The following ROBO1 variants were observed in gnomAD, a reference collection of about 807,000 sequenced individuals.
ROBO1 encodes the protein roundabout guidance receptor 1.
In ROBO1, 149 loss-of-function variants were observed where a neutral mutation model predicts 195.9. That is an observed-to-expected ratio of 0.76 (90% CI 0.67 to 0.87). The LOEUF is 0.87. Among genes scored for constraint, ROBO1 ranks in the 40% least tolerant of loss-of-function variants. ROBO1 has a pLI of 0.00. For missense variants in ROBO1, 1,933 were observed against 2,068.3 expected (o/e 0.93, Z 1.27); for synonymous variants, 816 against 733.2 (o/e 1.11, Z -1.82).
intron 2 of ROBO1, among the ~76,000 whole-genome samples, chr3:79,441,061 C>T (rs1369528900): frequency 2.0e-5 from 3 of 151,816 alleles, no homozygotes; most frequent in African/African-American, 7.3e-5. Flanking sequence ...TTATTGTTAT[C>T]CAAAAAACAT....
intron 2 of ROBO1, among the ~76,000 whole-genome samples, chr3:79,438,163 C>T (rs981720942): frequency 4.0e-5 from 6 of 151,820 alleles, no homozygotes; most frequent in South Asian, 2.1e-4. Context: ...CATTTATATA[C>T]GATTTTGAAT....
intron 1 of ROBO1, among the ~76,000 whole-genome samples, chr3:79,607,945 G>T (rs548423158): frequency 6.6e-6 from 1 of 151,922 alleles, no homozygotes; most frequent in Non-Finnish European, 1.5e-5. Flanking sequence ...AGTCTCACAG[G>T]ATTCAAAACT....
intron 5 of ROBO1, among the ~76,000 whole-genome samples, chr3:78,741,019 T>C (rs1275879675): frequency 6.6e-6 from 1 of 152,204 alleles, no homozygotes; most frequent in African/African-American, 2.4e-5. Context: ...TATAATGGTA[T>C]TGATTTATGA....
chr3:78,758,945 CTGA>C (rs2083016188), intron 4 of ROBO1: 1 of 152,232 alleles, frequency 6.6e-6, no homozygotes. Flanking sequence ...GAGACAGAGG[CTGA>C]AGTGTTTCCA....
intron 3 of ROBO1, among the ~76,000 whole-genome samples, chr3:78,964,900 T>C (rs1340066465): frequency 6.6e-6 from 1 of 151,226 alleles, no homozygotes; most frequent in East Asian, 1.9e-4. Context: ...CCCAGGCTGG[T>C]CTCAAACCCC....
intron 1 of ROBO1, among the ~76,000 whole-genome samples, chr3:79,697,930 C>A (rs2107134397): frequency 6.6e-6 from 1 of 151,300 alleles, no homozygotes; most frequent in South Asian, 2.1e-4. Context: ...AATGAAAAAT[C>A]ACTATCTTAA....
chr3:78,719,100 A>C lies in ROBO1; in HGVS notation c.658-1217T>G, dbSNP rs185634661. 8.5e-5 allele frequency among the ~76,000 whole-genome samples: 13 copies of C among 152,318 alleles called. No individual in the cohort carries two copies. In the East Asian group the frequency reaches 2.5e-3, roughly 29 times the overall value. ...AACATTAACAAAGTTTTTAATTTTT[A>C]TGAGTTTAGAACTTGATTTTTTTTC... On this transcript the variant is annotated intron_variant, in intron 5 of 30. Coordinates refer to ENST00000464233, the MANE Select transcript of ROBO1 (RefSeq NM_002941.4).
chr3:79,747,735 A>G (rs1400944905), intron 1 of ROBO1, among the ~76,000 whole-genome samples: 4 of 152,070 alleles, frequency 2.6e-5, no homozygotes, highest in Non-Finnish European at 5.9e-5. Flanking sequence ...AGATGTGACT[A>G]ATATTTAAGA....
intron 2 of ROBO1, among the ~76,000 whole-genome samples, chr3:79,334,124 G>A (rs2034559069): frequency 6.6e-6 from 1 of 151,414 alleles, no homozygotes; most frequent in Admixed American, 6.6e-5. Context: ...TGGCTAACAG[G>A]GTGAACCCCG....
chr3:78,926,148 C>A (rs776256014), intron 4 of ROBO1, among the ~76,000 whole-genome samples: 4 of 152,052 alleles, frequency 2.6e-5, no homozygotes, highest in African/African-American at 4.8e-5. Flanking sequence ...GGATTATAGG[C>A]GTGAGCCACC....
At chr3:79,277,466 G>A (rs890189905) in intron 2 of ROBO1, among the ~76,000 whole-genome samples, 1 of 152,004 alleles carries the variant, frequency 6.6e-6, no homozygotes, top group African/African-American at 2.4e-5. Context: ...GGTTTTCAGA[G>A]GCTGTGAAGG....
At chr3:79,679,781 AAAAG>A in intron 1 of ROBO1, among the ~76,000 whole-genome samples, 1 of 152,000 alleles carries the variant, frequency 6.6e-6, no homozygotes, top group East Asian at 1.9e-4. Context: ...AAAAAGGAAA[AAAAG>A]AAAGAATCAG....
intron 8 of ROBO1, among the ~76,000 whole-genome samples, chr3:78,696,842 A>G (rs1397569774): frequency 6.6e-6 from 1 of 151,680 alleles, no homozygotes. Context: ...CCTGGAAACT[A>G]ACAGGTGATA....
rs766079296 is a variant in ROBO1, at chr3:78,717,830, T to C, written c.711A>G (p.Lys237=). 1.9e-6 allele frequency: 3 copies of C among 1,613,708 alleles called. No homozygotes were observed. The South Asian group carries it at 3.3e-5, about 18-fold the overall frequency. The part of the protein sequence containing the change: ...ITYTRKSDAG[K]YVCVGTNMVG... ...CCATATTGGTACCAACACAAACATA[T>C]TTGCCAGCGTCACTTTTACGGGTGT... Residue 237 remains lysine, a synonymous_variant, in exon 6 of 31, where the codon AAA becomes AAG. Transcript: ENST00000464233.
intron 1 of ROBO1, among the ~76,000 whole-genome samples, chr3:79,630,395 T>A (rs1422188830): frequency 6.6e-6 from 1 of 152,056 alleles, no homozygotes; most frequent in Non-Finnish European, 1.5e-5. Flanking sequence ...AAAAGCCATA[T>A]GATCATCTCG....
In ROBO1 at chr3:78,668,139, G is replaced by A; in HGVS notation, c.1794C>T (p.Ala598=). 6.2e-7 allele frequency: 1 copy of A among 1,613,434 alleles called. No homozygotes were observed. Among genetic ancestry groups the A allele is most frequent in the Middle Eastern group, 1.7e-4 (1 of 6,058 alleles). The change falls in exon 13 of 31, where the codon GCC becomes GCT. Residue 598 remains alanine, a synonymous_variant. Coordinates refer to ENST00000464233, the MANE Select transcript of ROBO1 (RefSeq NM_002941.4). ...GATPTSYIIE[A]FSHASGSSWQ... Reference sequence around the variant, plus strand: ...AAGCATCTCCTTCACTCTACCTGAAGGCTTCTATAATATAAGATGTTGGAG... The same window carrying A: ...AAGCATCTCCTTCACTCTACCTGAAAGCTTCTATAATATAAGATGTTGGAG...
intron 2 of ROBO1, among the ~76,000 whole-genome samples, chr3:79,369,496 A>T (rs1177013200): frequency 6.6e-6 from 1 of 152,178 alleles, no homozygotes; most frequent in African/African-American, 2.4e-5. Flanking sequence ...ATCATCCTTC[A>T]TATTGATTTT....
chr3:79,529,002 T>C (rs1470207799), intron 2 of ROBO1, among the ~76,000 whole-genome samples: 1 of 152,232 alleles, frequency 6.6e-6, no homozygotes, highest in Non-Finnish European at 1.5e-5. Flanking sequence ...TTACAGCATG[T>C]ACTTGAAGTC....
chr3:79,027,003 C>T (rs1576586721), intron 3 of ROBO1, among the ~76,000 whole-genome samples: 1 of 151,944 alleles, frequency 6.6e-6, no homozygotes, highest in Admixed American at 6.6e-5. Flanking sequence ...TTTAGTCCCA[C>T]CTGTTGTTTG....
Sources: allele counts gnomAD v4.1 joint callset (sites outside exome capture counted in the v4.1 genomes callset), GRCh38; gene constraint gnomAD v4.1.1; transcripts MANE v1.5; gene names NCBI Gene and HGNC (gene_info 2026-07-23, HGNC 2026-07-21).